INCA1: variants seen among roughly 807,000 people sequenced by gnomAD.
The protein encoded by INCA1 is inhibitor of CDK, cyclin A1 interacting protein 1.
Under a neutral mutation model 25.7 loss-of-function variants are expected in INCA1, and 28 were observed. The observed-to-expected ratio is 1.09, with a 90% CI of 0.81 to 1.49. The LOEUF (loss-of-function observed/expected upper bound fraction) is 1.49. Among genes scored for constraint, INCA1 ranks in the 40% most tolerant of loss-of-function variants. INCA1 has a pLI of 0.00. For missense variants in INCA1, 309 were observed against 290.9 expected, an observed-to-expected ratio of 1.06 and a Z score of -0.45; for synonymous variants, 111 against 103.6, an observed-to-expected ratio of 1.07 and a Z score of -0.43.
At chr17:4,990,353 G>C in intron 2 of INCA1, 88 bp from the exon 3 acceptor site, 1 of 1,452,546 alleles carries the variant, frequency 6.9e-7, no homozygotes, top group Non-Finnish European at 9.2e-7. Flanking sequence ...TCTTTCCATG[G>C]GACTATAAAG....
exon 3 of INCA1, chr17:4,990,214 G>A: frequency 6.2e-7 from 1 of 1,614,176 alleles, no homozygotes. Flanking sequence ...TGGGTCTGAG[G>A]CTCTGGGAAG....
chr17:4,995,568 G>A (rs1324966283), intron 1 of INCA1, among the ~76,000 whole-genome samples: 1 of 152,150 alleles, frequency 6.6e-6, no homozygotes, highest in Non-Finnish European at 1.5e-5. Flanking sequence ...GCTGGGGCAA[G>A]AGAATTGCCT....
chr17:4,994,098 C>T (rs1974064216), intron 2 of INCA1, among the ~76,000 whole-genome samples: 1 of 152,110 alleles, frequency 6.6e-6, no homozygotes, highest in African/African-American at 2.4e-5. Flanking sequence ...AAATAGTACC[C>T]ATCATTAGCT....
chr17:4,993,789 T>TG (rs1974042790), intron 2 of INCA1, among the ~76,000 whole-genome samples: 2 of 134,710 alleles, frequency 1.5e-5, no homozygotes, highest in Admixed American at 1.5e-4. Context: ...TTTTTTTTTT[T>TG]GAGATGGAGT....
Position 4,989,647 on chromosome 17 carries a change from A to G in INCA1, c.199-23T>C, listed in dbSNP as rs767099198. The G allele has an allele frequency of 2.2e-4, 348 of 1,609,412 alleles. 1 individual carries two copies. Among genetic ancestry groups the G allele is most frequent in the Middle Eastern group, 1.8e-3 (11 of 6,060 alleles). On this transcript the variant is annotated intron_variant, in intron 4 of 6. Coordinates refer to ENST00000576820, the Ensembl canonical transcript of INCA1. ...TCTCTGTGCCAGAGAATGGGGAAAA[A>G]GAGCTAGAAAGAAGAACTGGCTCTC...
intron 2 of INCA1, among the ~76,000 whole-genome samples, chr17:4,992,814 A>G (rs926292560): frequency 6.6e-6 from 1 of 151,780 alleles, no homozygotes; most frequent in African/African-American, 2.4e-5. Flanking sequence ...GGCTCAAGCA[A>G]TCCTCCCACC....
intron 2 of INCA1, 27 bp from the exon 3 acceptor site, chr17:4,990,292 G>C: frequency 6.3e-7 from 1 of 1,598,672 alleles, no homozygotes; most frequent in Non-Finnish European, 8.5e-7. Context: ...GTAGGCTCGG[G>C]TCTGGCTCTT....
rs1455923903 is a variant in INCA1 at position 4,994,486 on chromosome 17, A to G, written c.-38-11T>C. 1 of 1,599,402 alleles carries G rather than the reference A, an allele frequency of 6.3e-7. No homozygotes were observed. The highest frequency in any genetic ancestry group is 8.6e-7 in the Non-Finnish European group (1 of 1,167,342). Reference sequence around the variant, plus strand: ...GTCTCCTTTTTGGTGCTGGGAGGATAATGGAAAAGAAGTCATTCATTCGGG... The same window carrying G: ...GTCTCCTTTTTGGTGCTGGGAGGATGATGGAAAAGAAGTCATTCATTCGGG... On this transcript the variant is annotated splice_polypyrimidine_tract_variant and intron_variant, in intron 1 of 6. Transcript: ENST00000576820.
At chr17:4,992,286 T>C (rs1387191928) in intron 2 of INCA1, among the ~76,000 whole-genome samples, 1 of 152,142 alleles carries the variant, frequency 6.6e-6, no homozygotes, top group African/African-American at 2.4e-5. Context: ...AAACCGTTTT[T>C]TTTCTTCTTC....
rs753347214 is a variant in INCA1 at position 4,989,925 on chromosome 17, T to A, written c.163A>T (p.Thr55Ser). 2.6e-5 allele frequency: 42 copies of A among 1,614,072 alleles called. 2 individuals are homozygous for A. The South Asian group carries it at 4.4e-4, about 17-fold the overall frequency. ...GGAATGTGCTGCTCCTCCAGCCAAG[T>A]GGGGCTGTGAAGAACAAAAAGGGGG... The change falls in exon 4 of 7, where the codon ACT becomes TCT. Residue 55 changes from threonine (T) to serine (S), a missense_variant. By Grantham distance (58) the Thr-to-Ser change is moderately conservative. Transcript: ENST00000576820.
intron 2 of INCA1, among the ~76,000 whole-genome samples, chr17:4,993,614 G>GC (rs1489654912): frequency 6.6e-6 from 1 of 150,644 alleles, no homozygotes; most frequent in Non-Finnish European, 1.5e-5. Flanking sequence ...GACTACAGGC[G>GC]CCCGCCACCA....
chr17:4,991,281 C>T (rs72838319), intron 2 of INCA1, among the ~76,000 whole-genome samples: 14,054 of 152,012 alleles, frequency 0.092, 815 homozygotes, highest in Middle Eastern at 0.13. Flanking sequence ...CATCCTAGGC[C>T]GCAGGTTGGA....
intron 5 of INCA1, among the ~76,000 whole-genome samples, 188 bp downstream of exon 5, chr17:4,989,239 TC>T (rs765716175): frequency 6.6e-6 from 1 of 151,990 alleles, no homozygotes; most frequent in South Asian, 2.1e-4. Context: ...TTACTGCAGT[TC>T]CCTCCTTCTT....
At chr17:4,994,699 A>AGAATC (rs1974111594) in intron 1 of INCA1, among the ~76,000 whole-genome samples, 1 of 151,020 alleles carries the variant, frequency 6.6e-6, no homozygotes, top group Non-Finnish European at 1.5e-5. Context: ...CTGAGGCAGA[A>AGAATC]GAATCGCTTG....
intron 2 of INCA1, among the ~76,000 whole-genome samples, chr17:4,994,059 A>G (rs775603678): frequency 1.3e-5 from 2 of 152,136 alleles, no homozygotes; most frequent in Non-Finnish European, 2.9e-5. Flanking sequence ...GGAGTGAGCC[A>G]CCACACCTGG....
chr17:4,989,827 G>A (rs1485422595), intron 4 of INCA1, 63 bp downstream of exon 4: 1 of 1,611,560 alleles, frequency 6.2e-7, no homozygotes, highest in Non-Finnish European at 8.5e-7. Context: ...GAGAGCTTGG[G>A]ACAGGACAGC....
chr17:4,993,544 T>C (rs238227), intron 2 of INCA1, among the ~76,000 whole-genome samples: 104,688 of 148,874 alleles, frequency 0.7, 36,973 homozygotes, highest in Middle Eastern at 0.79. Context: ...TCTCGGCTCA[T>C]TGCAAGGTCC....
At chr17:4,994,789 C>CA (rs34186821) in intron 1 of INCA1, among the ~76,000 whole-genome samples, 1,881 of 70,396 alleles carry the variant, frequency 0.027, 58 homozygotes, top group African/African-American at 0.058. Context: ...GACTCTGTCT[C>CA]AAAAAAAAAA....
chr17:4,989,288 C>A, intron 5 of INCA1, 140 bp downstream of exon 5: 1 of 791,640 alleles, frequency 1.3e-6, no homozygotes, highest in Non-Finnish European at 2.1e-6. Context: ...ACACCAAAGC[C>A]CACAGCTTCC....
Sources: gnomAD v4.1 joint callset for allele counts (sites outside exome capture counted in the v4.1 genomes callset) on GRCh38, gnomAD v4.1.1 for gene constraint, MANE v1.5 for transcripts, NCBI Gene and HGNC (gene_info 2026-07-23, HGNC 2026-07-21) for gene names.